The following TMTC1 variants were observed in gnomAD, a reference collection of about 807,000 sequenced individuals.
TMTC1 encodes the protein transmembrane O-mannosyltransferase targeting cadherins 1, also known as protein O-mannosyl-transferase TMTC1.
A neutral mutation model predicts 104.8 loss-of-function variants in TMTC1; 73 were observed. The ratio of observed to expected loss-of-function variants is 0.70; its 90% CI spans 0.58 to 0.85. TMTC1 has a LOEUF of 0.85. Among genes scored for constraint, TMTC1 ranks in the 40% least tolerant of loss-of-function variants. TMTC1 has a pLI of 0.00. For missense variants in TMTC1, 1,035 were observed against 1,096.1 expected (o/e 0.94, Z 0.79); for synonymous variants, 434 against 428.7 (o/e 1.01, Z -0.15).
At chr12:29,640,345 G>A (rs1213866725) in intron 5 of TMTC1, among the ~76,000 whole-genome samples, 1 of 151,198 alleles carries the variant, frequency 6.6e-6, no homozygotes, top group Non-Finnish European at 1.5e-5. Flanking sequence ...GCGAGGGGGG[G>A]CTCACATTGT....
At chr12:29,687,983 G>C (rs1289458323) in intron 5 of TMTC1, among the ~76,000 whole-genome samples, 1 of 152,160 alleles carries the variant, frequency 6.6e-6, no homozygotes, top group African/African-American at 2.4e-5. Context: ...CAGGGTTTCA[G>C]TATGAATTTT....
intron 2 of TMTC1, among the ~76,000 whole-genome samples, chr12:29,760,083 A>G (rs1399022701): frequency 6.6e-6 from 1 of 152,226 alleles, no homozygotes; most frequent in Non-Finnish European, 1.5e-5. Context: ...AGTTGCCTAC[A>G]GTATTCAGTA....
chr12:29,758,606 T>C, intron 3 of TMTC1, 98 bp downstream of exon 3: 1 of 1,212,952 alleles, frequency 8.2e-7, no homozygotes, highest in Non-Finnish European at 1.2e-6. Flanking sequence ...GCTTAGCATT[T>C]CACAACCAGA....
chr12:29,779,172 A>T (rs1175930222), intron 1 of TMTC1, among the ~76,000 whole-genome samples: 2 of 152,224 alleles, frequency 1.3e-5, no homozygotes, highest in Non-Finnish European at 2.9e-5. Context: ...AACCAACAGC[A>T]TGTTCACCAA....
At chr12:29,575,285 T>A (rs534349836) in intron 8 of TMTC1, among the ~76,000 whole-genome samples, 2 of 152,208 alleles carry the variant, frequency 1.3e-5, no homozygotes, top group African/African-American at 4.8e-5. Context: ...AGACAACTGA[T>A]GAGAGAGAGG....
intron 7 of TMTC1, among the ~76,000 whole-genome samples, chr12:29,597,193 CTTT>C (rs780984358): frequency 2.7e-5 from 4 of 148,558 alleles, no homozygotes; most frequent in Non-Finnish European, 5.9e-5. Context: ...TCCATGTGAA[CTTT>C]TTTTTTCTTT....
chr12:29,623,062 T>G (rs2136466409), intron 6 of TMTC1, among the ~76,000 whole-genome samples: 1 of 152,356 alleles, frequency 6.6e-6, no homozygotes, highest in African/African-American at 2.4e-5. Context: ...CTCTTTGAGT[T>G]GCTTACCCAT....
intron 5 of TMTC1, among the ~76,000 whole-genome samples, chr12:29,704,576 T>C (rs1299119095): frequency 6.6e-6 from 1 of 152,246 alleles, no homozygotes; most frequent in Non-Finnish European, 1.5e-5. Flanking sequence ...CTAATTTCCT[T>C]GTGAGTGTAT....
At chr12:29,719,571 G>A (rs556074520) in intron 5 of TMTC1, among the ~76,000 whole-genome samples, 7 of 152,166 alleles carry the variant, frequency 4.6e-5, no homozygotes, top group Non-Finnish European at 2.9e-5. Flanking sequence ...ACCTCACAGC[G>A]AGGGTGTAAC....
intron 5 of TMTC1, chr12:29,659,790 A>C (rs1939928246): frequency 1.1e-6 from 1 of 939,894 alleles, no homozygotes; most frequent in Non-Finnish European, 1.6e-6. Context: ...GATAGACCCC[A>C]ATCCTCAATA....
intron 7 of TMTC1, among the ~76,000 whole-genome samples, chr12:29,590,121 G>A (rs1946240471): frequency 6.6e-6 from 1 of 151,412 alleles, no homozygotes. Flanking sequence ...GCATGGCTGT[G>A]TAAAATTTAT....
At chr12:29,587,272 G>A (rs186414063) in intron 7 of TMTC1, among the ~76,000 whole-genome samples, 49 of 151,906 alleles carry the variant, frequency 3.2e-4, no homozygotes, top group African/African-American at 1.1e-3. Context: ...CTGTGAGATC[G>A]GTGGTGATAT....
At position 29,518,545 on chromosome 12, in the gene TMTC1, C is replaced by T. The variant is rs773131080; in HGVS notation, c.1951G>A (p.Val651Met). 7.4e-6 allele frequency: 12 copies of T among 1,614,020 alleles called. No homozygotes were observed. Among genetic ancestry groups the T allele is most frequent in the African/African-American group, 2.7e-5 (2 of 74,918 alleles). Residue 651 changes from valine (V) to methionine (M), a missense_variant, in exon 13 of 18, where the codon GTG (valine) becomes ATG (methionine). By Grantham distance (21) the Val-to-Met change is conservative (BLOSUM62 1). Coordinates refer to ENST00000539277, the MANE Select transcript of TMTC1 (RefSeq NM_001193451.2). ...QAIKLSPSHH[V>M]AMVNLGRLYR... ...AGTCTTCCCAAGTTCACCATGGCCACGTGATGACTGGGGCTAAGTTTGATG... is the reference window on the plus strand; with the variant it reads ...AGTCTTCCCAAGTTCACCATGGCCATGTGATGACTGGGGCTAAGTTTGATG...
chr12:29,663,510 G>A (rs185530614), intron 5 of TMTC1, among the ~76,000 whole-genome samples: 8 of 151,960 alleles, frequency 5.3e-5, no homozygotes, highest in Admixed American at 3.9e-4. Context: ...ATATTTTTAG[G>A]TAAATTTTCC....
At chr12:29,685,619 T>G (rs1274273485) in intron 5 of TMTC1, among the ~76,000 whole-genome samples, 1 of 151,882 alleles carries the variant, frequency 6.6e-6, no homozygotes, top group African/African-American at 2.4e-5. Context: ...TATTTTCTAT[T>G]AAAAAAACAT....
At chr12:29,543,596 T>C (rs1944861560) in intron 10 of TMTC1, among the ~76,000 whole-genome samples, 1 of 152,144 alleles carries the variant, frequency 6.6e-6, no homozygotes, top group Non-Finnish European at 1.5e-5. Flanking sequence ...AAATTGATGT[T>C]CCCAACAAAT....
chr12:29,604,137 G>C (rs748533776), intron 7 of TMTC1, 41 bp downstream of exon 7: 1 of 1,610,102 alleles, frequency 6.2e-7, no homozygotes, highest in East Asian at 2.2e-5. Context: ...GTTGGTGACA[G>C]AGGGCAGGTC....
Position 29,767,775 on chromosome 12 carries a change from TAC to T in TMTC1, c.480+121_480+122del, listed in dbSNP as rs141738968. On this transcript the variant is annotated intron_variant, in intron 2 of 17. Coordinates refer to ENST00000539277, the MANE Select transcript of TMTC1 (RefSeq NM_001193451.2). ...CTTAGTTTACATGTATATATCTATA[TAC>T]ACACACATATCTACATATACACACA... The T allele has an allele frequency of 6.6e-4, 591 of 893,002 alleles. 1 individual carries two copies. The African/African-American group carries it at 9.3e-3, about 14-fold the overall frequency. The allele number at this position is 893,002 out of a possible 1,614,324, so 55.3% of individuals were successfully genotyped here. A position where few individuals can be genotyped will look rare whatever the true frequency, so the allele number is the denominator to read the frequency against.
intron 5 of TMTC1, among the ~76,000 whole-genome samples, chr12:29,704,864 G>A (rs1331261284): frequency 2.6e-5 from 4 of 152,064 alleles, no homozygotes; most frequent in Non-Finnish European, 5.9e-5. Flanking sequence ...TTCAACTCTG[G>A]GCCTCTCACT....
Sources: allele counts gnomAD v4.1 joint callset (sites outside exome capture counted in the v4.1 genomes callset), GRCh38; gene constraint gnomAD v4.1.1; transcripts MANE v1.5; gene names NCBI Gene and HGNC (gene_info 2026-07-23, HGNC 2026-07-21).